Variants in LUZP2 observed in about 807,000 individuals in gnomAD.
LUZP2 encodes leucine zipper protein 2.
A neutral mutation model predicts 51.6 loss-of-function variants in LUZP2; 52 were observed. The ratio of observed to expected loss-of-function variants is 1.01; its 90% CI spans 0.81 to 1.27. The LOEUF is 1.27. LUZP2 is among the 50% of genes most tolerant of loss of function. The pLI, the probability that LUZP2 is intolerant of heterozygous loss-of-function variation, is 0.00. For missense variants in LUZP2, 436 were observed against 395.4 expected, an observed-to-expected ratio of 1.10 and a Z score of -0.87; for synonymous variants, 154 against 137.3, an observed-to-expected ratio of 1.12 and a Z score of -0.85.
At chr11:25,024,493 T>C (rs1015400771) in intron 9 of LUZP2, among the ~76,000 whole-genome samples, 1 of 152,106 alleles carries the variant, frequency 6.6e-6, no homozygotes, top group Non-Finnish European at 1.5e-5. Context: ...AGCATTCCTA[T>C]ACACCAATAA....
intron 1 of LUZP2, among the ~76,000 whole-genome samples, chr11:24,562,074 A>T (rs1852058414): frequency 6.6e-6 from 1 of 152,154 alleles, no homozygotes; most frequent in Non-Finnish European, 1.5e-5. Flanking sequence ...AGGGAACGTT[A>T]GGCGATGAGG....
chr11:24,778,107 A>C (rs12276047), intron 5 of LUZP2, among the ~76,000 whole-genome samples: 12,182 of 152,116 alleles, frequency 0.08, 1,053 homozygotes, highest in African/African-American at 0.22. Flanking sequence ...TTTCTAAATC[A>C]AACGTATAGT....
At chr11:24,995,713 T>C (rs1856474104) in intron 9 of LUZP2, among the ~76,000 whole-genome samples, 1 of 152,088 alleles carries the variant, frequency 6.6e-6, no homozygotes, top group Non-Finnish European at 1.5e-5. Context: ...TTGTATTTAA[T>C]ATGTATTTTA....
intron 1 of LUZP2, among the ~76,000 whole-genome samples, chr11:24,683,040 A>G (rs1191462843): frequency 6.6e-6 from 1 of 152,178 alleles, no homozygotes; most frequent in Non-Finnish European, 1.5e-5. Context: ...ATGTGCTCTC[A>G]TTGAACATCA....
chr11:24,715,470 G>A (rs1021578146), intron 1 of LUZP2, among the ~76,000 whole-genome samples: 4 of 151,950 alleles, frequency 2.6e-5, no homozygotes, highest in African/African-American at 7.3e-5. Context: ...TGAGCTCAGG[G>A]AGTGTCCTAT....
chr11:24,765,629 C>CTTTTTTTTTTTTTTTTT (rs762443498), intron 5 of LUZP2, among the ~76,000 whole-genome samples: 10 of 133,034 alleles, frequency 7.5e-5, no homozygotes, highest in Non-Finnish European at 8.1e-5. Flanking sequence ...TTTCTTTTTT[C>CTTTTTTTTTTTTTTTTT]TTTTTTTTTT....
At chr11:24,955,999 A>G (rs996204222) in intron 7 of LUZP2, among the ~76,000 whole-genome samples, 1 of 152,046 alleles carries the variant, frequency 6.6e-6, no homozygotes, top group African/African-American at 2.4e-5. Flanking sequence ...ACAAAACTCA[A>G]TGAGATAGTT....
chr11:24,628,612 G>A (rs1383425524), intron 1 of LUZP2, among the ~76,000 whole-genome samples: 1 of 152,058 alleles, frequency 6.6e-6, no homozygotes, highest in Non-Finnish European at 1.5e-5. Context: ...AGGCTGGAGT[G>A]CAGTGGTGCC....
At chr11:24,735,720 T>G (rs750016086) in intron 3 of LUZP2, among the ~76,000 whole-genome samples, 1 of 151,930 alleles carries the variant, frequency 6.6e-6, no homozygotes, top group East Asian at 1.9e-4. Flanking sequence ...ACACAAAATG[T>G]TATGCTGAAA....
At chr11:24,893,272 C>A (rs1469433917) in intron 5 of LUZP2, 1 of 151,770 alleles carries the variant, frequency 6.6e-6, no homozygotes, top group African/African-American at 2.4e-5. Context: ...GCACTGGACA[C>A]ACAGAAAAAT....
intron 7 of LUZP2, among the ~76,000 whole-genome samples, chr11:24,969,148 C>T (rs1312128680): frequency 1.3e-5 from 2 of 151,996 alleles, no homozygotes; most frequent in South Asian, 2.1e-4. Context: ...TGCTTCTCTC[C>T]CTCCTTTCTA....
chr11:24,790,887 C>A (rs776584158), intron 5 of LUZP2, among the ~76,000 whole-genome samples: 5 of 152,152 alleles, frequency 3.3e-5, no homozygotes, highest in African/African-American at 7.2e-5. Context: ...AGTCTTCAAA[C>A]CTCTCACTTT....
intron 1 of LUZP2, among the ~76,000 whole-genome samples, chr11:24,572,574 C>T (rs143344286): frequency 6.6e-6 from 1 of 152,068 alleles, no homozygotes; most frequent in East Asian, 1.9e-4. Flanking sequence ...TTTCTTTTCA[C>T]AGTTTATCAC....
At chr11:25,028,547 C>A (rs1381644844) in intron 9 of LUZP2, among the ~76,000 whole-genome samples, 2 of 152,106 alleles carry the variant, frequency 1.3e-5, no homozygotes, top group Non-Finnish European at 2.9e-5. Flanking sequence ...CACAGAAAGA[C>A]CATCTTTGCA....
chr11:25,011,010 G>A (rs1856969443), intron 9 of LUZP2, among the ~76,000 whole-genome samples: 1 of 152,120 alleles, frequency 6.6e-6, no homozygotes, highest in Non-Finnish European at 1.5e-5. Flanking sequence ...TTCCATTAGA[G>A]GCTAAAATTA....
chr11:25,076,885 T>C (rs940165057), intron 10 of LUZP2, among the ~76,000 whole-genome samples: 2 of 152,002 alleles, frequency 1.3e-5, no homozygotes, highest in South Asian at 4.2e-4. Context: ...AAAAAGATAC[T>C]GAGGATTTTA....
At chr11:24,683,314 C>T (rs188432186) in intron 1 of LUZP2, among the ~76,000 whole-genome samples, 278 of 152,202 alleles carry the variant, frequency 1.8e-3, no homozygotes, top group African/African-American at 6.2e-3. Context: ...ATTAATGACA[C>T]GATTCTTGTC....
chr11:24,794,854 A>G lies in LUZP2; in HGVS notation c.396+31546A>G, dbSNP rs1481596269. 2.0e-5 allele frequency among the ~76,000 whole-genome samples: 3 copies of G among 152,168 alleles called. No homozygotes were observed. The East Asian group carries it at 5.8e-4, about 29-fold the overall frequency. On this transcript the variant is annotated intron_variant, in intron 5 of 11. Coordinates refer to ENST00000336930, the MANE Select transcript of LUZP2 (RefSeq NM_001009909.4). Reference sequence around the variant, plus strand: ...TCAATCAAATAGAAGAATAAATATGACATTCAAAATAACCTTGTTAACAAG... The same window carrying G: ...TCAATCAAATAGAAGAATAAATATGGCATTCAAAATAACCTTGTTAACAAG...
At chr11:24,567,454 C>A (rs1852283761) in intron 1 of LUZP2, among the ~76,000 whole-genome samples, 2 of 151,718 alleles carry the variant, frequency 1.3e-5, no homozygotes, top group Non-Finnish European at 2.9e-5. Context: ...GTGATGTAAC[C>A]ATTAGTATAT....
Sources: allele counts gnomAD v4.1 joint callset (sites outside exome capture counted in the v4.1 genomes callset), GRCh38; gene constraint gnomAD v4.1.1; transcripts MANE v1.5; gene names NCBI Gene and HGNC (gene_info 2026-07-23, HGNC 2026-07-21).